The following KLHL32 variants were observed in gnomAD, a reference collection of about 807,000 sequenced individuals.
KLHL32 encodes the protein kelch-like protein 32.
Under a neutral mutation model 64.8 loss-of-function variants are expected in KLHL32, and 35 were observed. The ratio of observed to expected loss-of-function variants is 0.54; its 90% confidence interval spans 0.41 to 0.72. The LOEUF is 0.72. Ranked by LOEUF, KLHL32 falls within the 30% of genes least tolerant of loss-of-function variation. The probability of loss-of-function intolerance (pLI) is 0.00; values close to 1 mark genes in which losing one functional copy is unlikely to be tolerated. For missense variants in KLHL32, 589 were observed against 768.5 expected (o/e 0.77, Z 2.76); for synonymous variants, 259 against 281.0 (o/e 0.92, Z 0.78).
In KLHL32 at chr6:97,101,907, A is replaced by G. The variant is rs1795773201; in HGVS notation, c.628-11876A>G. 2.0e-5 allele frequency among the ~76,000 whole-genome samples: 3 copies of G among 152,222 alleles called. No homozygotes were observed. The South Asian group carries it at 6.2e-4, about 31-fold the overall frequency. ...ATGGTCTGCATGTGATGGCTTTATC[A>G]TGAATTTAAAAGGATAATTATATTG... On this transcript the variant is annotated intron_variant, in intron 6 of 10. Coordinates refer to ENST00000369261, the MANE Select transcript of KLHL32 (RefSeq NM_052904.4).
intron 1 of KLHL32, among the ~76,000 whole-genome samples, chr6:96,941,882 G>A (rs1386365250): frequency 1.3e-5 from 2 of 152,104 alleles, no homozygotes; most frequent in Admixed American, 6.6e-5. Flanking sequence ...GAGGGGTCAG[G>A]TGCAGGAAGT....
At chr6:97,003,433 A>T (rs1368268469) in intron 3 of KLHL32, among the ~76,000 whole-genome samples, 1 of 152,088 alleles carries the variant, frequency 6.6e-6, no homozygotes, top group Non-Finnish European at 1.5e-5. Context: ...ATTTTCTCCC[A>T]TTCTCTATAG....
At position 97,065,355 on chromosome 6, in the gene KLHL32, C is replaced by T. The variant is rs556182962; in HGVS notation, c.411+629C>T. Among the ~76,000 whole-genome samples, 4 of 152,280 alleles carry T rather than the reference C, an allele frequency of 2.6e-5. No individual in the cohort carries two copies. The East Asian group carries it at 7.7e-4, about 29-fold the overall frequency. On this transcript the variant is annotated intron_variant, in intron 5 of 10. Transcript: ENST00000369261. ...AATAACTTTGCCCATTTTTATAGAT[C>T]TAAAACATCAGAGACTCAAAATATA... is the stretch of plus-strand genomic sequence containing the variant.
Position 97,130,833 on chromosome 6 carries a change from A to G in KLHL32, c.1490A>G (p.Tyr497Cys). ...ATGGCTGCTGTACAAAGGAAGCTTT[A>G]TGTTCTTGGAGGCAATGACCTAGAC... is the stretch of plus-strand genomic sequence containing the variant. ...HSMAAVQRKLYVLGGNDLDYN... is the reference protein window; with the variant it reads ...HSMAAVQRKLCVLGGNDLDYN... Residue 497 changes from tyrosine to cysteine, a missense_variant, in exon 9 of 11, where the codon TAT (tyrosine) becomes TGT (cysteine). Physicochemically the swap from Tyr to Cys is radical, Grantham distance 194 (BLOSUM62 -2). Coordinates refer to ENST00000369261, the MANE Select transcript of KLHL32 (RefSeq NM_052904.4). 2 of 1,614,126 alleles carry G rather than the reference A, an allele frequency of 1.2e-6. No homozygotes were observed. The highest frequency in any genetic ancestry group is 1.1e-5 in the South Asian group (1 of 91,086).
the KLHL32 span, among the ~76,000 whole-genome samples, chr6:96,912,823 T>A: frequency 4.6e-5 from 7 of 152,248 alleles, no homozygotes; most frequent in East Asian, 1.2e-3. Flanking sequence ...CATGATCCAG[T>A]TCCTCTGCAT....
chr6:96,924,102 A>T (rs116813405), upstream of KLHL32, among the ~76,000 whole-genome samples: 1 of 152,268 alleles, frequency 6.6e-6, no homozygotes, highest in African/African-American at 2.4e-5. Flanking sequence ...GGTTCCCCTG[A>T]CGTTTCTTAA....
chr6:96,911,824 C>T, the KLHL32 span, among the ~76,000 whole-genome samples: 168 of 53,878 alleles, frequency 3.1e-3, 1 homozygote, highest in African/African-American at 7.2e-3. Flanking sequence ...CTCGGTCCTT[C>T]TTTTTTTTTT....
At chr6:96,956,338 C>T (rs1395976073) in intron 1 of KLHL32, among the ~76,000 whole-genome samples, 1 of 152,220 alleles carries the variant, frequency 6.6e-6, no homozygotes, top group African/African-American at 2.4e-5. Flanking sequence ...AATGTAGTAA[C>T]TTCATGAAGG....
At chr6:97,011,960 A>C (rs1169293183) in intron 3 of KLHL32, among the ~76,000 whole-genome samples, 1 of 152,184 alleles carries the variant, frequency 6.6e-6, no homozygotes, top group Non-Finnish European at 1.5e-5. Flanking sequence ...TTAAATGTAG[A>C]TATTACAACA....
the KLHL32 span, among the ~76,000 whole-genome samples, chr6:96,909,440 T>C: frequency 6.6e-6 from 1 of 152,232 alleles, no homozygotes; most frequent in East Asian, 1.9e-4. Context: ...TTCTGGACTA[T>C]GCTTTGCAAC....
At chr6:96,923,912 C>A (rs1768851462), upstream of KLHL32, among the ~76,000 whole-genome samples, 1 of 152,212 alleles carries the variant, frequency 6.6e-6, no homozygotes, top group Admixed American at 6.5e-5. Context: ...GCATGTTTTA[C>A]ACAGGAGTGA....
At chr6:97,061,570 A>T (rs1788904208) in intron 4 of KLHL32, among the ~76,000 whole-genome samples, 1 of 152,152 alleles carries the variant, frequency 6.6e-6, no homozygotes, top group Non-Finnish European at 1.5e-5. Flanking sequence ...TCCTTCCTGC[A>T]GGTGGTCCTT....
At chr6:96,958,379 T>C (rs1047931958) in intron 1 of KLHL32, among the ~76,000 whole-genome samples, 1 of 151,996 alleles carries the variant, frequency 6.6e-6, no homozygotes, top group African/African-American at 2.4e-5. Flanking sequence ...GGAGGTGACA[T>C]CTGAAACCTG....
chr6:96,990,829 T>G (rs945859025), intron 3 of KLHL32, among the ~76,000 whole-genome samples: 2 of 152,158 alleles, frequency 1.3e-5, no homozygotes, highest in African/African-American at 4.8e-5. Flanking sequence ...TGGCCTCTTC[T>G]CTTTAAGATG....
At chr6:96,904,807 G>A in the KLHL32 span, among the ~76,000 whole-genome samples, 1 of 152,200 alleles carries the variant, frequency 6.6e-6, no homozygotes. Context: ...CAAGACAGAT[G>A]TGATTATGTA....
chr6:97,127,582 A>G, intron 8 of KLHL32, 120 bp downstream of exon 8: 1 of 831,128 alleles, frequency 1.2e-6, no homozygotes, highest in Non-Finnish European at 2.0e-6. Flanking sequence ...GCTTATATAG[A>G]GAAAAGGAAG....
intron 6 of KLHL32, among the ~76,000 whole-genome samples, chr6:97,089,277 A>C (rs1327011623): frequency 6.6e-6 from 1 of 152,258 alleles, no homozygotes; most frequent in African/African-American, 2.4e-5. Context: ...TGTGGAAATA[A>C]AAATGAATAT....
At chr6:97,052,825 T>G (rs977649931) in intron 4 of KLHL32, among the ~76,000 whole-genome samples, 2 of 152,216 alleles carry the variant, frequency 1.3e-5, no homozygotes, top group African/African-American at 4.8e-5. Context: ...ATCTCTTTAT[T>G]AACCTTCACT....
At chr6:96,980,943 A>T (rs2128049324) in intron 3 of KLHL32, among the ~76,000 whole-genome samples, 1 of 147,232 alleles carries the variant, frequency 6.8e-6, no homozygotes, top group Non-Finnish European at 1.5e-5. Context: ...TCATGGCAGA[A>T]GGGGAAGCAA....
Sources: gnomAD v4.1 joint callset for allele counts (sites outside exome capture counted in the v4.1 genomes callset) on GRCh38, gnomAD v4.1.1 for gene constraint, MANE v1.5 for transcripts, NCBI Gene and HGNC (gene_info 2026-07-23, HGNC 2026-07-21) for gene names.